SH3TC1: variants seen among roughly 807,000 people sequenced by gnomAD.
The protein encoded by SH3TC1 is SH3 domain and tetratricopeptide repeat-containing protein 1.
Under a neutral mutation model 117.3 loss-of-function variants are expected in SH3TC1, and 135 were observed. The ratio of observed to expected loss-of-function variants is 1.15; its 90% confidence interval spans 1.00 to 1.33. SH3TC1 has a LOEUF of 1.33. Ranked by LOEUF, SH3TC1 falls within the 40% of genes most tolerant of loss-of-function variation. The pLI is 0.00. For missense variants in SH3TC1, 2,092 were observed against 1,794.3 expected, an observed-to-expected ratio of 1.17 and a Z score of -3.00; for synonymous variants, 898 against 816.9, an observed-to-expected ratio of 1.10 and a Z score of -1.69.
rs775505437 is a variant in SH3TC1 at position 8,217,134 on chromosome 4, C to G, written c.806C>G (p.Ala269Gly). 3 of 1,612,172 alleles carry G rather than the reference C, an allele frequency of 1.9e-6. No individual in the cohort carries two copies. The African/African-American group carries it at 4.0e-5, about 22-fold the overall frequency. The change falls in exon 7 of 18, where the codon GCG (alanine) becomes GGG (glycine). Residue 269 changes from alanine (A) to glycine (G), a missense_variant. By Grantham distance (60) the Ala-to-Gly change is moderately conservative. Transcript: ENST00000245105. ...GTGTCCTCCGAGGAGGTGGCAGTGGCGGCCGCCCCGGAGCCTTTGATTCCA... is the reference window on the plus strand; with the variant it reads ...GTGTCCTCCGAGGAGGTGGCAGTGGGGGCCGCCCCGGAGCCTTTGATTCCA... ...PSVSSEEVAVAAAPEPLIPFH... is the reference protein window; with the variant it reads ...PSVSSEEVAVGAAPEPLIPFH...
rs1422493167 is a variant in SH3TC1 at position 8,240,725 on chromosome 4, C to T, written c.3781C>T (p.Gln1261Ter). 1 of 1,614,022 alleles carries T rather than the reference C, an allele frequency of 6.2e-7. No individual in the cohort carries two copies. Among genetic ancestry groups the T allele is most frequent in the Non-Finnish European group, 8.5e-7 (1 of 1,180,042 alleles). Residue 1261 changes from glutamine to a stop codon, truncating the protein, a stop_gained, in exon 18 of 18, where the codon CAG (glutamine) becomes TAG (stop). Coordinates refer to ENST00000245105, the MANE Select transcript of SH3TC1 (RefSeq NM_018986.5). LOFTEE classifies it low-confidence loss of function (END_TRUNC). ...CCCGTTTGATGCAGCCGGGTACTAC[C>T]AGCTGGCGCTGGCAGCCGCCGTGGA... ...KDPFDAAGYY[Q>*]LALAAAVDLG...
chr4:8,226,098 T>A (rs3796759), intron 11 of SH3TC1, among the ~76,000 whole-genome samples: 1 of 152,126 alleles, frequency 6.6e-6, no homozygotes, highest in East Asian at 1.9e-4. Flanking sequence ...AGGAGACAGT[T>A]TGTAGTGAAA....
In SH3TC1 at chr4:8,190,798, G is replaced by A. The variant is rs1717394914; in HGVS notation, c.-57+8588G>A. Among the ~76,000 whole-genome samples, 3 of 152,026 alleles carry A rather than the reference G, an allele frequency of 2.0e-5. No individual in the cohort carries two copies. The South Asian group carries it at 6.2e-4, about 32-fold the overall frequency. On this transcript the variant is annotated intron_variant, in intron 1 of 16. Coordinates refer to the SH3TC1 transcript ENST00000508641. The surrounding 1 kb of genome is among the most constrained non-coding windows in gnomAD (Gnocchi z 4.7). ...TGGGACTACAGGCACGCACCACCAT[G>A]CCCAGCTAATTTTTTTGTATTTTTT... is the stretch of plus-strand genomic sequence containing the variant.
chr4:8,217,865 C>A (rs1181748188), intron 7 of SH3TC1, among the ~76,000 whole-genome samples: 1 of 152,198 alleles, frequency 6.6e-6, no homozygotes, highest in Non-Finnish European at 1.5e-5. Context: ...GAGGAGTGAT[C>A]TGTCCAGGTT....
chr4:8,209,952 G>A lies in SH3TC1; in HGVS notation c.247+130G>A. The A allele has an allele frequency of 1.1e-6, 1 of 943,142 alleles. No individual in the cohort carries two copies. 58.4% of individuals were successfully genotyped at this position (943,142 alleles called of 1,614,324 possible). A position where few individuals can be genotyped will look rare whatever the true frequency, so the allele number is the denominator to read the frequency against. ...GACTTCCCACCTTAAAATCATGATGGGAATAGAAAGAAGGGTTTGTTAAAT... is the reference window on the plus strand; with the variant it reads ...GACTTCCCACCTTAAAATCATGATGAGAATAGAAAGAAGGGTTTGTTAAAT... On this transcript the variant is annotated intron_variant, in intron 3 of 17. Transcript: ENST00000245105. This position sits in a 1 kb window ranked among gnomAD's most constrained non-coding sequence, Gnocchi z 5.9.
Position 8,212,729 on chromosome 4 carries a change from G to A in SH3TC1, c.276G>A (p.Arg92=). ...TDLTLQLLAV[R]RKSRLRDPGL... ...TGACCCTGCAGCTGCTGGCTGTGCG[G>A]AGGAAGAGCAGACTGCGGGACCCCG... The change falls in exon 4 of 18, where the codon CGG becomes CGA. Residue 92 remains arginine, a synonymous_variant. Transcript: ENST00000245105. 6.2e-7 allele frequency: 1 copy of A among 1,612,960 alleles called. No homozygotes were observed. The highest frequency in any genetic ancestry group is 8.5e-7 in the Non-Finnish European group (1 of 1,179,944).
At chr4:8,237,711 C>G (rs200248358) in intron 17 of SH3TC1, 41 bp downstream of exon 17, 1 of 1,543,000 alleles carries the variant, frequency 6.5e-7, no homozygotes, top group Non-Finnish European at 8.8e-7. Context: ...TCCCGGCCCC[C>G]TTGGAGTGGG....
At chr4:8,215,036 T>C in intron 5 of SH3TC1, 1 of 426,820 alleles carries the variant, frequency 2.3e-6, no homozygotes, top group Non-Finnish European at 4.8e-6. Context: ...ACAACACTGG[T>C]GTGCGCACCT....
Position 8,238,500 on chromosome 4 carries a change from C to T in SH3TC1, c.3753+830C>T, listed in dbSNP as rs922633134. Among the ~76,000 whole-genome samples the T allele has an allele frequency of 1.2e-4, 19 of 152,196 alleles. 1 individual carries two copies. The highest frequency in any genetic ancestry group is 1.2e-3 in the Admixed American group (18 of 15,286). On this transcript the variant is annotated intron_variant, in intron 17 of 17. Coordinates refer to ENST00000245105, the MANE Select transcript of SH3TC1 (RefSeq NM_018986.5). ...TTGTGGGCTGGGGGGCCAGGGCGCT[C>T]CAGTCCAGGGACTGAGCTCTTGGGG...
intron 7 of SH3TC1, among the ~76,000 whole-genome samples, chr4:8,217,473 C>G (rs1436065771): frequency 6.6e-6 from 1 of 152,250 alleles, no homozygotes; most frequent in East Asian, 1.9e-4. Context: ...TTTGAGGAAG[C>G]TACATAAAAC....
rs1231547865 is a variant in SH3TC1 at position 8,212,831 on chromosome 4, G to A, written c.375+3G>A. 4 of 1,568,426 alleles carry A rather than the reference G, an allele frequency of 2.6e-6. No homozygotes were observed. The highest frequency in any genetic ancestry group is 3.5e-6 in the Non-Finnish European group (4 of 1,156,588). On this transcript the variant is annotated splice_donor_region_variant and intron_variant, in intron 4 of 17. Transcript: ENST00000245105. ...GGGAGATGGCCCGCGTGCTTGGGGT[G>A]AGTAGCCCTCTGGGGCCTGCTCAGG...
At chr4:8,201,150 G>T (rs1009761949) in intron 1 of SH3TC1, among the ~76,000 whole-genome samples, 1 of 152,270 alleles carries the variant, frequency 6.6e-6, no homozygotes, top group East Asian at 1.9e-4. Context: ...AGAGCCTGGC[G>T]AAAGCTTGGC....
In SH3TC1 at chr4:8,209,360, G is replaced by C. The variant is rs1718454423; in HGVS notation, c.173-388G>C. On this transcript the variant is annotated intron_variant, in intron 2 of 17. Coordinates refer to ENST00000245105, the MANE Select transcript of SH3TC1 (RefSeq NM_018986.5). This position sits in a 1 kb window ranked among gnomAD's most constrained non-coding sequence, Gnocchi z 5.9. ...GCAGTGACAAAGCGGAAGTAGAAGT[G>C]GCGGCCACAAGCCGAGGGACGTGTG... 6.6e-6 allele frequency among the ~76,000 whole-genome samples: 1 copy of C among 152,190 alleles called. No homozygotes were observed. Among genetic ancestry groups the C allele is most frequent in the African/African-American group, 2.4e-5 (1 of 41,444 alleles).
chr4:8,216,765 G>C (rs1431527945), intron 6 of SH3TC1, among the ~76,000 whole-genome samples, 192 bp from the exon 7 acceptor site: 1 of 152,176 alleles, frequency 6.6e-6, no homozygotes, highest in African/African-American at 2.4e-5. Context: ...ACACCACATG[G>C]AGGCAGAGCT....
intron 13 of SH3TC1, 72 bp downstream of exon 13, chr4:8,232,228 A>T: frequency 7.4e-7 from 1 of 1,342,986 alleles, no homozygotes; most frequent in Non-Finnish European, 9.8e-7. Context: ...GGGCACAGGG[A>T]AGCTGGCCCA....
At chr4:8,226,896 C>A in intron 11 of SH3TC1, 84 bp from the exon 12 acceptor site, 1 of 1,003,452 alleles carries the variant, frequency 1.0e-6, no homozygotes. Flanking sequence ...GACACAGAGG[C>A]TGGGGATGAG....
At position 8,205,707 on chromosome 4, in the gene SH3TC1, G is replaced by C. The variant is rs753194064; in HGVS notation, c.172+341G>C. 7.0e-6 allele frequency: 5 copies of C among 710,030 alleles called. No individual in the cohort carries two copies. In the Admixed American group the frequency reaches 9.8e-5, roughly 14 times the overall value. The allele number at this position is 710,030 out of a possible 1,614,324, so 44.0% of individuals were successfully genotyped here. ...ATGGGTTTGGCCTTGGAACCCCTGA[G>C]AGTCCTCAGGATGAGGCATCCTCGT... is the stretch of plus-strand genomic sequence containing the variant. On this transcript the variant is annotated intron_variant, in intron 2 of 17. Coordinates refer to ENST00000245105, the MANE Select transcript of SH3TC1 (RefSeq NM_018986.5). The surrounding 1 kb of genome is among the most constrained non-coding windows in gnomAD (Gnocchi z 5.4).
At position 8,225,489 on chromosome 4, in the gene SH3TC1, G is replaced by A. The variant is rs1261711355; in HGVS notation, c.1285+273G>A. On this transcript the variant is annotated intron_variant, in intron 11 of 17. Transcript: ENST00000245105. This position sits in a 1 kb window ranked among gnomAD's most constrained non-coding sequence, Gnocchi z 5.5. ...AGATGGAGCATCCTTTCCACTGCTTGGGTCCACTTGTAGCTGTGGGTTCCT... is the reference window on the plus strand; with the variant it reads ...AGATGGAGCATCCTTTCCACTGCTTAGGTCCACTTGTAGCTGTGGGTTCCT... 6.6e-6 allele frequency among the ~76,000 whole-genome samples: 1 copy of A among 152,162 alleles called. No individual in the cohort carries two copies. The highest frequency in any genetic ancestry group is 1.5e-5 in the Non-Finnish European group (1 of 68,026).
chr4:8,233,140 C>A, intron 13 of SH3TC1: 1 of 1,373,110 alleles, frequency 7.3e-7, no homozygotes, highest in African/African-American at 1.5e-5. Flanking sequence ...AGCCACAGGG[C>A]AGCATGATGC....
Sources: allele counts gnomAD v4.1 joint callset (sites outside exome capture counted in the v4.1 genomes callset), GRCh38; gene constraint gnomAD v4.1.1; non-coding constraint Gnocchi (gnomAD v3.1); transcripts MANE v1.5; gene names NCBI Gene and HGNC (gene_info 2026-07-23, HGNC 2026-07-21).